Variants in PDCL observed in about 807,000 individuals in gnomAD.
PDCL encodes phosducin-like protein.
Under a neutral mutation model 26.7 loss-of-function variants are expected in PDCL, and 11 were observed. The ratio of observed to expected loss-of-function variants is 0.41; its 90% CI spans 0.26 to 0.68. PDCL has a LOEUF of 0.68. Ranked by LOEUF, PDCL falls within the 30% of genes least tolerant of loss-of-function variation. PDCL has a pLI of 0.30. For synonymous variants in PDCL, 118 were observed against 134.9 expected, an observed-to-expected ratio of 0.87 and a Z score of 0.87; for missense variants, 330 against 371.6, an observed-to-expected ratio of 0.89 and a Z score of 0.92.
Position 122,820,447 on chromosome 9 carries a change from C to T in PDCL, c.544G>A (p.Val182Ile). The T allele has an allele frequency of 6.2e-7, 1 of 1,614,076 alleles. No homozygotes were observed. Among genetic ancestry groups the T allele is most frequent in the East Asian group, 2.2e-5 (1 of 44,886 alleles). The change falls in exon 4 of 4, where the codon GTC (valine) becomes ATC (isoleucine). Residue 182 changes from valine (V) to isoleucine (I), a missense_variant. Transcript: ENST00000259467. ...TCCTCATAAATATGAACCATGATGA[C>T]AATGCTTTTCTGTTCTTTATCAATC... ...DMIDKEQKSI[V>I]IMVHIYEDGI...
At position 122,820,077 on chromosome 9, in the gene PDCL, C is replaced by T; in HGVS notation, c.*8G>A. The stretch of plus-strand genomic sequence containing the variant: ...ACAATGAGAAATCTATGCAACTAGA[C>T]TATCAGTTCAATCTATTTCCAGGTC... On this transcript the variant is annotated 3_prime_UTR_variant, in exon 4 of 4. Coordinates refer to ENST00000259467, the MANE Select transcript of PDCL (RefSeq NM_005388.5). The T allele has an allele frequency of 6.3e-7, 1 of 1,577,320 alleles. No individual in the cohort carries two copies.
chr9:122,820,377 A>C lies in PDCL; in HGVS notation c.614T>G (p.Leu205Arg), dbSNP rs1334546687. The C allele has an allele frequency of 6.2e-7, 1 of 1,614,192 alleles. No individual in the cohort carries two copies. The highest frequency in any genetic ancestry group is 8.5e-7 in the Non-Finnish European group (1 of 1,180,024). ...TEAMNGCMICLAAEYPAVKFC... is the reference protein window; with the variant it reads ...TEAMNGCMICRAAEYPAVKFC... Reference sequence around the variant, plus strand: ...CTTGACAGCTGGGTACTCTGCGGCAAGGCAGATCATGCAACCATTCATGGC... The same window carrying C: ...CTTGACAGCTGGGTACTCTGCGGCACGGCAGATCATGCAACCATTCATGGC... Residue 205 changes from leucine (L) to arginine (R), a missense_variant, in exon 4 of 4, where the codon CTT becomes CGT. By Grantham distance (102) the Leu-to-Arg change is moderately radical (BLOSUM62 -2). Transcript: ENST00000259467.
At chr9:122,820,689 AAC>A in intron 3 of PDCL, 53 bp from the exon 4 acceptor site, 1 of 1,488,122 alleles carries the variant, frequency 6.7e-7, no homozygotes, top group East Asian at 2.3e-5. Context: ...CACTCGTGAT[AAC>A]AGTTAATATG....
chr9:122,820,559 T>C lies in PDCL; in HGVS notation c.432A>G (p.Arg144=). ...EEFLQQYRKQ[R]MEEMRQQLHK... ...GAAGCTGCTGCCGCATCTCTTCCATTCGCTGCTTCCGGTACTGCTGCAGAA... is the reference window on the plus strand; with the variant it reads ...GAAGCTGCTGCCGCATCTCTTCCATCCGCTGCTTCCGGTACTGCTGCAGAA... The change falls in exon 4 of 4, where the codon CGA becomes CGG. Residue 144 remains arginine (R), a synonymous_variant. Coordinates refer to ENST00000259467, the MANE Select transcript of PDCL (RefSeq NM_005388.5). The C allele has an allele frequency of 1.9e-6, 3 of 1,614,132 alleles. No homozygotes were observed. Among genetic ancestry groups the C allele is most frequent in the East Asian group, 2.2e-5 (1 of 44,884 alleles).
chr9:122,821,016 T>TAA (rs1468766144), intron 3 of PDCL, among the ~76,000 whole-genome samples: 3 of 151,308 alleles, frequency 2.0e-5, no homozygotes, highest in African/African-American at 7.3e-5. Context: ...TAAAAAGAAA[T>TAA]AAAACAGTTA....
chr9:122,828,226 G>A (rs1205885389), intron 1 of PDCL, among the ~76,000 whole-genome samples: 1 of 152,126 alleles, frequency 6.6e-6, no homozygotes, highest in African/African-American at 2.4e-5. Flanking sequence ...CGGGCCCCCT[G>A]GAGACGCGAG....
chr9:122,823,557 C>A (rs1020989715), intron 2 of PDCL, among the ~76,000 whole-genome samples: 3 of 152,082 alleles, frequency 2.0e-5, no homozygotes, highest in Non-Finnish European at 2.9e-5. Flanking sequence ...ACGGTACAAT[C>A]CTCTAGTTTC....
chr9:122,820,846 T>C, intron 3 of PDCL: 1 of 482,840 alleles, frequency 2.1e-6, no homozygotes. Context: ...AAAAAAAAAG[T>C]TAGCAGGGCA....
chr9:122,827,647 T>A lies in PDCL; in HGVS notation c.-6+824A>T, dbSNP rs1179116835. ...CTCAGGAGGCTGAGGCACGAGAATC[T>A]CTTGAATCCGGGAGGCGGAGGTTGC... On this transcript the variant is annotated intron_variant, in intron 1 of 3. Transcript: ENST00000259467. Among the ~76,000 whole-genome samples, 4 of 151,918 alleles carry A rather than the reference T, an allele frequency of 2.6e-5. No homozygotes were observed. In the East Asian group the frequency reaches 7.7e-4, roughly 29 times the overall value.
chr9:122,824,732 A>G (rs1829601257), intron 2 of PDCL, among the ~76,000 whole-genome samples: 1 of 152,236 alleles, frequency 6.6e-6, no homozygotes, highest in Non-Finnish European at 1.5e-5. Context: ...CCCTAAATTA[A>G]TCTATATATT....
chr9:122,826,544 T>C (rs1044507198), intron 2 of PDCL, 72 bp downstream of exon 2: 2 of 1,217,738 alleles, frequency 1.6e-6, no homozygotes, highest in African/African-American at 3.1e-5. Flanking sequence ...AATTTATTAA[T>C]ATGTATTTAA....
intron 2 of PDCL, among the ~76,000 whole-genome samples, chr9:122,824,315 C>A (rs930168035): frequency 6.6e-6 from 1 of 152,146 alleles, no homozygotes; most frequent in African/African-American, 2.4e-5. Context: ...TATGCCATGT[C>A]TGAGCAAAAC....
rs1829660823 is a variant in PDCL, at chr9:122,828,538, C to T, written c.-73G>A. The T allele has an allele frequency of 6.6e-6, 1 of 152,290 alleles. No homozygotes were observed. Among genetic ancestry groups the T allele is most frequent in the South Asian group, 2.1e-4 (1 of 4,838 alleles). 9.4% of individuals were successfully genotyped at this position (152,290 alleles called of 1,614,324 possible). A position where few individuals can be genotyped will look rare whatever the true frequency, so the allele number is the denominator to read the frequency against. ...GGCGCCGGAAGGAATGGAGCACTTT[C>T]TTAAGAGGAAGAGCAGTGGGTCAGC... On this transcript the variant is annotated 5_prime_UTR_variant, in exon 1 of 4. Transcript: ENST00000259467.
intron 3 of PDCL, among the ~76,000 whole-genome samples, chr9:122,822,382 T>G (rs1272994319): frequency 6.8e-6 from 1 of 147,868 alleles, no homozygotes; most frequent in East Asian, 2.0e-4. Context: ...ATAGACCCTG[T>G]CTCTATTAAA....
At chr9:122,826,898 A>G (rs760575949) in intron 1 of PDCL, 106 bp from the exon 2 acceptor site, 205 of 1,000,338 alleles carry the variant, frequency 2.0e-4, no homozygotes, top group Middle Eastern at 2.3e-4. Context: ...TTTCCAGGAC[A>G]CTAAAGTGAT....
chr9:122,828,165 G>A (rs1245545356), intron 1 of PDCL, among the ~76,000 whole-genome samples: 1 of 152,242 alleles, frequency 6.6e-6, no homozygotes, highest in South Asian at 2.1e-4. Flanking sequence ...CGGAGGGGAG[G>A]GAAGGAGTTG....
intron 3 of PDCL, among the ~76,000 whole-genome samples, chr9:122,822,297 G>A (rs1829563320): frequency 6.6e-6 from 1 of 151,428 alleles, no homozygotes; most frequent in South Asian, 2.1e-4. Context: ...GCTCACGCCT[G>A]TAATCCTAGC....
At position 122,823,215 on chromosome 9, in the gene PDCL, G is replaced by A. The variant is rs539936810; in HGVS notation, c.173-18C>T. On this transcript the variant is annotated intron_variant, in intron 2 of 3. Coordinates refer to ENST00000259467, the MANE Select transcript of PDCL (RefSeq NM_005388.5). ...TTTTGGGCCTGAGTAGGGTGAACAC[G>A]GATGTGACCAAGGAGAATGGGCAGG... 3 of 1,612,878 alleles carry A rather than the reference G, an allele frequency of 1.9e-6. No individual in the cohort carries two copies. Among genetic ancestry groups the A allele is most frequent in the African/African-American group, 2.7e-5 (2 of 75,002 alleles).
In PDCL at chr9:122,826,795, G is replaced by A. The variant is rs772100165; in HGVS notation, c.-5-3C>T. The A allele has an allele frequency of 4.3e-6, 7 of 1,613,144 alleles. No homozygotes were observed. In the African/African-American group the frequency reaches 6.7e-5, roughly 15 times the overall value. ...ATCATCAAGGGTGGTCATGGTGTCT[G>A]GAAAAAGAAAGCATATCAGGTTCTT... On this transcript the variant is annotated splice_region_variant and splice_polypyrimidine_tract_variant and intron_variant, in intron 1 of 3. Transcript: ENST00000259467.
Sources: gnomAD v4.1 joint callset for allele counts (sites outside exome capture counted in the v4.1 genomes callset) on GRCh38, gnomAD v4.1.1 for gene constraint, MANE v1.5 for transcripts, NCBI Gene and HGNC (gene_info 2026-07-23, HGNC 2026-07-21) for gene names.